The following KAZN variants were observed in gnomAD, a reference collection of about 807,000 sequenced individuals.
KAZN encodes the protein kazrin.
KAZN carries 40 observed loss-of-function variants against 87.4 expected under a neutral mutation model. That is an observed-to-expected ratio of 0.46 (90% CI 0.36 to 0.60). The LOEUF (loss-of-function observed/expected upper bound fraction) is 0.60, where lower values mean the gene tolerates loss of function less well. KAZN is among the 20% of genes least tolerant of loss of function. The pLI is 0.00. For synonymous variants in KAZN, 466 were observed against 458.3 expected (o/e 1.02, Z -0.22); for missense variants, 898 against 1,073.9 (o/e 0.84, Z 2.29).
chr1:14,440,444 T>C (rs1666634915), intron 2 of KAZN, among the ~76,000 whole-genome samples: 1 of 152,194 alleles, frequency 6.6e-6, no homozygotes, highest in Non-Finnish European at 1.5e-5. Context: ...CCATATTGGA[T>C]TGTCAATTCC....
chr1:13,960,152 A>T (rs1641697157), intron 1 of KAZN, among the ~76,000 whole-genome samples: 1 of 152,182 alleles, frequency 6.6e-6, no homozygotes, highest in Non-Finnish European at 1.5e-5. Flanking sequence ...GAGGAAAAGC[A>T]ATAATAAATA....
At chr1:13,980,054 A>T (rs1234896766) in intron 1 of KAZN, among the ~76,000 whole-genome samples, 1 of 152,212 alleles carries the variant, frequency 6.6e-6, no homozygotes, top group Non-Finnish European at 1.5e-5. Context: ...GACATTGTCC[A>T]AGAAGTGTCA....
intron 1 of KAZN, among the ~76,000 whole-genome samples, chr1:14,876,467 C>A (rs947317316): frequency 6.6e-6 from 1 of 152,152 alleles, no homozygotes; most frequent in Non-Finnish European, 1.5e-5. Context: ...CAGGTAGGAA[C>A]CTGGGTTTAG....
chr1:14,334,106 C>G (rs1200469369), intron 2 of KAZN, among the ~76,000 whole-genome samples: 1 of 151,778 alleles, frequency 6.6e-6, no homozygotes, highest in Non-Finnish European at 1.5e-5. Context: ...TGGCTCATGC[C>G]TGTAATCCTA....
chr1:14,048,375 C>T lies in KAZN; in HGVS notation c.92-132060C>T, dbSNP rs187401673. Among the ~76,000 whole-genome samples the T allele has an allele frequency of 2.8e-3, 420 of 150,442 alleles. 1 individual carries two copies. Among genetic ancestry groups the T allele is most frequent in the Admixed American group, 4.9e-3 (73 of 14,856 alleles). Reference sequence around the variant, plus strand: ...GCATTCTGCTGTTACAGCAACCAAACTAATGTCTCTAAAATACTTCTTTTT... The same window carrying T: ...GCATTCTGCTGTTACAGCAACCAAATTAATGTCTCTAAAATACTTCTTTTT... On this transcript the variant is annotated intron_variant, in intron 1 of 16. Coordinates refer to the KAZN transcript ENST00000636203.
chr1:14,536,082 C>T (rs891542582), intron 2 of KAZN, among the ~76,000 whole-genome samples: 7 of 152,188 alleles, frequency 4.6e-5, no homozygotes, highest in African/African-American at 1.7e-4. Flanking sequence ...AGGGCCTCTC[C>T]AGTTGGCTTG....
At chr1:14,973,378 C>T (rs572680768) in intron 2 of KAZN, among the ~76,000 whole-genome samples, 4 of 152,280 alleles carry the variant, frequency 2.6e-5, no homozygotes, top group African/African-American at 7.2e-5. Context: ...TGTACTTCTG[C>T]GCAGAGGGGT....
At chr1:14,124,438 G>T (rs1644818673) in intron 1 of KAZN, 1 of 152,130 alleles carries the variant, frequency 6.6e-6, no homozygotes, top group Non-Finnish European at 1.5e-5. Flanking sequence ...GTTTTATCTG[G>T]GTTCAGTCTC....
chr1:14,584,277 G>C (rs541470096), intron 2 of KAZN, among the ~76,000 whole-genome samples: 14 of 152,318 alleles, frequency 9.2e-5, no homozygotes, highest in Admixed American at 3.3e-4. Context: ...CCAACAACCG[G>C]AGAGAGAAGC....
chr1:14,945,853 C>T, intron 1 of KAZN: 1 of 985,368 alleles, frequency 1.0e-6, no homozygotes, highest in Non-Finnish European at 1.2e-6. Flanking sequence ...AAGACTTGGG[C>T]AGCCTGAGCC....
At chr1:14,137,701 C>CTTTT (rs35819477) in intron 1 of KAZN, among the ~76,000 whole-genome samples, 26 of 65,048 alleles carry the variant, frequency 4.0e-4, no homozygotes, top group Non-Finnish European at 5.2e-4. Flanking sequence ...AAATATAAGG[C>CTTTT]TTTTTTTTTT....
chr1:14,883,312 GAAAGAA>G lies in KAZN; in HGVS notation c.227-77370_227-77365del, dbSNP rs1446430410. Among the ~76,000 whole-genome samples, 85 of 44,202 alleles carry G rather than the reference GAAAGAA, an allele frequency of 1.9e-3. 1 individual carries two copies. Among genetic ancestry groups the G allele is most frequent in the African/African-American group, 5.0e-3 (81 of 16,122 alleles). 29.0% of individuals were successfully genotyped at this position (44,202 alleles called of 152,430 possible). ...CTCCATCTCAAAAGAAAGAAAGAAAGAAAGAAAGAGAGAGAGAGAGAGAGAGAGAGA... is the reference window on the plus strand; with the variant it reads ...CTCCATCTCAAAAGAAAGAAAGAAAGAGAGAGAGAGAGAGAGAGAGAGAGA... On this transcript the variant is annotated intron_variant, in intron 1 of 14. Transcript: ENST00000376030.
chr1:14,721,292 A>T (rs535224972), intron 1 of KAZN, among the ~76,000 whole-genome samples: 2 of 152,140 alleles, frequency 1.3e-5, no homozygotes, highest in South Asian at 2.1e-4. Flanking sequence ...TGGTGGTTTT[A>T]TCAGAGGCTT....
intron 1 of KAZN, among the ~76,000 whole-genome samples, chr1:14,693,985 G>C (rs560163697): frequency 6.6e-6 from 1 of 152,188 alleles, no homozygotes; most frequent in African/African-American, 2.4e-5. Context: ...ATTTTAACTC[G>C]AGGCAGTGGT....
intron 1 of KAZN, among the ~76,000 whole-genome samples, chr1:14,133,431 AAG>A (rs914812200): frequency 3.4e-5 from 5 of 146,640 alleles, no homozygotes; most frequent in South Asian, 4.3e-4. Flanking sequence ...GAAAGAAAGA[AAG>A]AAAGAAAATA....
chr1:14,683,417 C>T (rs765822820), intron 1 of KAZN, among the ~76,000 whole-genome samples: 1 of 152,230 alleles, frequency 6.6e-6, no homozygotes, highest in Non-Finnish European at 1.5e-5. Context: ...GGGGCTCCTA[C>T]TGAGCCTTTC....
chr1:14,818,745 G>A (rs1232488316), intron 1 of KAZN, among the ~76,000 whole-genome samples: 5 of 152,168 alleles, frequency 3.3e-5, no homozygotes, highest in Non-Finnish European at 2.9e-5. Flanking sequence ...GAAGGGGTGA[G>A]GGAGGATGTT....
At chr1:14,355,397 TAC>T (rs1658927027) in intron 2 of KAZN, among the ~76,000 whole-genome samples, 1 of 123,938 alleles carries the variant, frequency 8.1e-6, no homozygotes, top group African/African-American at 2.8e-5. Flanking sequence ...TTGAACAATC[TAC>T]ATATTTATTT....
intron 2 of KAZN, among the ~76,000 whole-genome samples, chr1:14,416,813 G>A (rs962199053): frequency 2.4e-4 from 36 of 152,060 alleles, no homozygotes; most frequent in African/African-American, 8.2e-4. Flanking sequence ...CCAGCTGCAT[G>A]TGGTGGTGGC....
Sources: gnomAD v4.1 joint callset for allele counts (sites outside exome capture counted in the v4.1 genomes callset) on GRCh38, gnomAD v4.1.1 for gene constraint, MANE v1.5 for transcripts, NCBI Gene and HGNC (gene_info 2026-07-23, HGNC 2026-07-21) for gene names.